The following ABCA13 variants were observed in gnomAD, a reference collection of about 807,000 sequenced individuals.
The protein encoded by ABCA13 is ATP-binding cassette sub-family A member 13.
A neutral mutation model predicts 478.7 loss-of-function variants in ABCA13; 476 were observed. That is an observed-to-expected ratio of 0.99 (90% CI 0.92 to 1.07). ABCA13 has a LOEUF of 1.07. ABCA13 is among the 50% of genes least tolerant of loss of function. The pLI is 0.00. For missense variants in ABCA13, 6,060 were observed against 5,910.6 expected (o/e 1.03, Z -0.83); for synonymous variants, 2,252 against 2,158.9 (o/e 1.04, Z -1.20).
intron 42 of ABCA13, among the ~76,000 whole-genome samples, chr7:48,437,669 T>G (rs1823025747): frequency 6.6e-6 from 1 of 152,132 alleles, no homozygotes; most frequent in African/African-American, 2.4e-5. Flanking sequence ...TGTTTTTCTT[T>G]GTCTAAATAA....
At chr7:48,329,592 T>C (rs1804883608) in intron 27 of ABCA13, among the ~76,000 whole-genome samples, 1 of 152,004 alleles carries the variant, frequency 6.6e-6, no homozygotes. Context: ...TATCTATTCA[T>C]CCATCCACAC....
At chr7:48,461,904 A>G (rs1393370476) in intron 43 of ABCA13, among the ~76,000 whole-genome samples, 4 of 152,170 alleles carry the variant, frequency 2.6e-5, no homozygotes, top group Non-Finnish European at 5.9e-5. Context: ...TTACAAGGCC[A>G]TAAGTTCTAC....
At chr7:48,399,250 CA>C (rs1817266841) in intron 38 of ABCA13, among the ~76,000 whole-genome samples, 1 of 152,170 alleles carries the variant, frequency 6.6e-6, no homozygotes, top group Non-Finnish European at 1.5e-5. Flanking sequence ...GGAATCACAG[CA>C]GCATATCTGT....
intron 55 of ABCA13, among the ~76,000 whole-genome samples, chr7:48,532,946 G>A (rs1163435337): frequency 6.6e-6 from 1 of 151,798 alleles, no homozygotes; most frequent in Non-Finnish European, 1.5e-5. Flanking sequence ...TGTCATTTCA[G>A]ATAACCAGCT....
intron 40 of ABCA13, among the ~76,000 whole-genome samples, chr7:48,411,035 CTTTCTTTCTTTCTTTT>C (rs1563208591): frequency 9.1e-6 from 1 of 109,514 alleles, no homozygotes; most frequent in Non-Finnish European, 2.0e-5. Context: ...TTCTTTCTTT[CTTTCTTTCTTTCTTTT>C]TCTTTCTTTC....
At chr7:48,282,909 T>C (rs1360340880) in intron 19 of ABCA13, among the ~76,000 whole-genome samples, 1 of 152,134 alleles carries the variant, frequency 6.6e-6, no homozygotes, top group African/African-American at 2.4e-5. Flanking sequence ...GATTAGAACA[T>C]GGGAAATGTT....
chr7:48,216,362 T>A (rs562901267), intron 3 of ABCA13, among the ~76,000 whole-genome samples: 1 of 152,342 alleles, frequency 6.6e-6, no homozygotes, highest in African/African-American at 2.4e-5. Flanking sequence ...ACAATCTTTT[T>A]ATGTAGTTTT....
intron 10 of ABCA13, among the ~76,000 whole-genome samples, chr7:48,243,932 T>C (rs1949895): frequency 0.73 from 111,022 of 152,250 alleles, 41,237 homozygotes; most frequent in East Asian, 0.99. Flanking sequence ...GCAGTTCTGC[T>C]GCCCACAGTG....
intron 48 of ABCA13, among the ~76,000 whole-genome samples, chr7:48,501,506 A>G (rs1208067273): frequency 1.3e-5 from 2 of 152,148 alleles, no homozygotes; most frequent in Non-Finnish European, 2.9e-5. Context: ...ATAGGACTCT[A>G]AAGCCTGTGC....
At chr7:48,294,172 A>G (rs141899326) in intron 20 of ABCA13, among the ~76,000 whole-genome samples, 10 of 152,236 alleles carry the variant, frequency 6.6e-5, no homozygotes, top group Non-Finnish European at 1.3e-4. Flanking sequence ...GATTACTACA[A>G]ACAAATGAGC....
intron 38 of ABCA13, among the ~76,000 whole-genome samples, chr7:48,398,773 A>G (rs1393861234): frequency 2.0e-5 from 3 of 152,190 alleles, no homozygotes; most frequent in Non-Finnish European, 2.9e-5. Flanking sequence ...TAATGAGATC[A>G]TTGAGGGCAT....
intron 55 of ABCA13, among the ~76,000 whole-genome samples, chr7:48,571,082 C>T (rs1787600145): frequency 6.6e-6 from 1 of 152,054 alleles, no homozygotes; most frequent in Non-Finnish European, 1.5e-5. Flanking sequence ...AATTGTGTTT[C>T]TACATAGCTC....
chr7:48,541,896 A>G (rs1833967268), intron 55 of ABCA13, among the ~76,000 whole-genome samples: 1 of 146,858 alleles, frequency 6.8e-6, no homozygotes, highest in Non-Finnish European at 1.5e-5. Flanking sequence ...AAACTGGGTT[A>G]AAAAAGGTAT....
At chr7:48,598,326 C>A (rs1790509975) in intron 58 of ABCA13, among the ~76,000 whole-genome samples, 1 of 152,184 alleles carries the variant, frequency 6.6e-6, no homozygotes, top group Admixed American at 6.5e-5. Context: ...TTTATCCACT[C>A]ATCCGCTGAA....
chr7:48,403,715 A>AGC lies in ABCA13; in HGVS notation c.11907_11908dup (p.His3970ArgfsTer12). On this transcript the variant is annotated frameshift_variant, in exon 39 of 62. Transcript: ENST00000435803. LOFTEE classifies it high-confidence loss of function. ...CAGGATGTGGACTTAACTCAGCATC[A>AGC]GCACAAACAGACCCGAGCTCTGTCT... The AGC allele has an allele frequency of 6.2e-7, 1 of 1,614,040 alleles. No individual in the cohort carries two copies. Among genetic ancestry groups the AGC allele is most frequent in the East Asian group, 2.2e-5 (1 of 44,884 alleles).
intron 48 of ABCA13, among the ~76,000 whole-genome samples, chr7:48,501,604 G>T (rs1830752587): frequency 6.6e-6 from 1 of 152,138 alleles, no homozygotes; most frequent in Non-Finnish European, 1.5e-5. Context: ...TGGGGGTTCA[G>T]GTATTTGCAC....
chr7:48,256,935 C>T (rs1173325549), intron 15 of ABCA13, among the ~76,000 whole-genome samples: 1 of 152,112 alleles, frequency 6.6e-6, no homozygotes, highest in Non-Finnish European at 1.5e-5. Context: ...TCTTCTTATC[C>T]ATGAACATGG....
At chr7:48,173,121 A>T (rs920877591) in intron 1 of ABCA13, among the ~76,000 whole-genome samples, 2 of 152,164 alleles carry the variant, frequency 1.3e-5, no homozygotes, top group Admixed American at 1.3e-4. Context: ...AAATTTTCAC[A>T]ATTACTTTTG....
At chr7:48,341,280 C>T (rs1167330847) in intron 29 of ABCA13, among the ~76,000 whole-genome samples, 1 of 152,098 alleles carries the variant, frequency 6.6e-6, no homozygotes, top group Admixed American at 6.5e-5. Context: ...TTTGTCTGTG[C>T]AGACGCCACC....
Sources: allele counts gnomAD v4.1 joint callset (sites outside exome capture counted in the v4.1 genomes callset), GRCh38; gene constraint gnomAD v4.1.1; transcripts MANE v1.5; gene names NCBI Gene and HGNC (gene_info 2026-07-23, HGNC 2026-07-21).